The following RASAL1 variants were observed in gnomAD, a reference collection of about 807,000 sequenced individuals.
RASAL1 encodes rasGAP-activating-like protein 1.
RASAL1 carries 72 observed loss-of-function variants against 96.6 expected under a neutral mutation model. The observed-to-expected ratio is 0.75, with a 90% CI of 0.62 to 0.91. The LOEUF (loss-of-function observed/expected upper bound fraction) is 0.91. RASAL1 is among the 40% of genes least tolerant of loss of function. The pLI is 0.00. For missense variants in RASAL1, 1,016 were observed against 1,072.5 expected (o/e 0.95, Z 0.74); for synonymous variants, 405 against 430.4 (o/e 0.94, Z 0.73).
At chr12:113,113,981 G>A (rs1411637995) in intron 12 of RASAL1, among the ~76,000 whole-genome samples, 1 of 152,112 alleles carries the variant, frequency 6.6e-6, no homozygotes, top group Admixed American at 6.5e-5. Context: ...CACTAATGTC[G>A]AGGAGCCCCA....
At chr12:113,101,825 G>A in intron 19 of RASAL1, 64 bp downstream of exon 19, 2 of 1,570,360 alleles carry the variant, frequency 1.3e-6, no homozygotes, top group Non-Finnish European at 1.7e-6. Flanking sequence ...ACACAGCAAG[G>A]CCACGGTGGG....
At chr12:113,121,672 C>G (rs764299039) in intron 4 of RASAL1, 34 bp from the exon 5 acceptor site, 14 of 1,612,882 alleles carry the variant, frequency 8.7e-6, no homozygotes. Context: ...TTATGAAGCG[C>G]CTACCATGTA....
At chr12:113,128,230 A>G in intron 2 of RASAL1, 52 bp from the exon 3 acceptor site, 1 of 1,026,776 alleles carries the variant, frequency 9.7e-7, no homozygotes. Flanking sequence ...CAGGAGGCAG[A>G]CACCTGGAGA....
In RASAL1 at chr12:113,107,221, G is replaced by A. The variant is rs1950679941; in HGVS notation, c.1533C>T (p.Asn511=). The change falls in exon 15 of 21, where the codon AAC becomes AAT. Residue 511 remains asparagine, a synonymous_variant. Coordinates refer to ENST00000548055, the MANE Select transcript of RASAL1 (RefSeq NM_001301202.2). ...TGCCTTGGCCCAGCTGCTGGCCCAGGTTTCCAATGCTCTGCACAGCCTGGA... is the reference window on the plus strand; with the variant it reads ...TGCCTTGGCCCAGCTGCTGGCCCAGATTTCCAATGCTCTGCACAGCCTGGA... ...LLAKAVQSIG[N]LGQQLGQGKE... is the part of the protein sequence containing the mutation. The A allele has an allele frequency of 6.2e-7, 1 of 1,610,750 alleles. No individual in the cohort carries two copies. Among genetic ancestry groups the A allele is most frequent in the East Asian group, 2.2e-5 (1 of 44,852 alleles).
intron 15 of RASAL1, 51 bp downstream of exon 15, chr12:113,107,046 G>A (rs374439753): frequency 5.8e-6 from 9 of 1,554,240 alleles, no homozygotes; most frequent in Admixed American, 1.8e-5. Flanking sequence ...TCCCTGAGTG[G>A]TGTCTCAACT....
chr12:113,112,308 C>T (rs745331431), intron 12 of RASAL1, 30 bp from the exon 13 acceptor site: 4 of 1,249,664 alleles, frequency 3.2e-6, no homozygotes, highest in Non-Finnish European at 2.0e-6. Context: ...AGCTCAGCCT[C>T]GGGGCACAAC....
At chr12:113,134,704 G>A (rs1951846197) in intron 1 of RASAL1, among the ~76,000 whole-genome samples, 1 of 152,194 alleles carries the variant, frequency 6.6e-6, no homozygotes, top group Non-Finnish European at 1.5e-5. Context: ...TCAGCCCTGG[G>A]GGAAGCATAG....
At chr12:113,120,158 C>T (rs953307330) in intron 5 of RASAL1, among the ~76,000 whole-genome samples, 1 of 152,218 alleles carries the variant, frequency 6.6e-6, no homozygotes, top group African/African-American at 2.4e-5. Context: ...CACCCCACCC[C>T]CACACCAGGG....
chr12:113,106,246 C>G (rs981906873), intron 15 of RASAL1, among the ~76,000 whole-genome samples: 1 of 152,148 alleles, frequency 6.6e-6, no homozygotes, highest in African/African-American at 2.4e-5. Flanking sequence ...CCCACCCCAG[C>G]ACCATAGGGA....
chr12:113,099,988 G>A lies in RASAL1; in HGVS notation c.2359C>T (p.His787Tyr), dbSNP rs764961206. The change falls in exon 21 of 21, where the codon CAC (histidine) becomes TAC (tyrosine). Residue 787 changes from histidine (H) to tyrosine (Y), a missense_variant. Transcript: ENST00000548055. Reference sequence around the variant, plus strand: ...CGCTCCTGCTGCTGGAACTCCTCGTGGGCACGATCCAGGTCTGCGAGCACC... The same window carrying A: ...CGCTCCTGCTGCTGGAACTCCTCGTAGGCACGATCCAGGTCTGCGAGCACC... ...LEVLADLDRAHEEFQQQERGK... is the reference protein window; with the variant it reads ...LEVLADLDRAYEEFQQQERGK... 6.2e-7 allele frequency: 1 copy of A among 1,613,756 alleles called. No homozygotes were observed. The highest frequency in any genetic ancestry group is 1.3e-5 in the African/African-American group (1 of 74,936).
chr12:113,136,003 C>T (rs1951902924), upstream of RASAL1: 1 of 154,202 alleles, frequency 6.5e-6, no homozygotes, highest in Non-Finnish European at 1.4e-5. Flanking sequence ...GTCTGTGCCC[C>T]CGCCTGTCCC....
At chr12:113,128,678 C>T (rs1951586377) in intron 2 of RASAL1, among the ~76,000 whole-genome samples, 1 of 152,052 alleles carries the variant, frequency 6.6e-6, no homozygotes, top group Non-Finnish European at 1.5e-5. Flanking sequence ...CAGAGTTGCT[C>T]ACAGATACAC....
chr12:113,105,991 C>G (rs928847921), intron 15 of RASAL1, 105 bp from the exon 16 acceptor site: 6 of 1,205,528 alleles, frequency 5.0e-6, no homozygotes, highest in Middle Eastern at 2.8e-4. Flanking sequence ...GGGCATGGTT[C>G]TCTGCTCCCC....
intron 4 of RASAL1, among the ~76,000 whole-genome samples, chr12:113,126,694 A>T (rs867855736): frequency 0.015 from 2,189 of 143,312 alleles, 37 homozygotes; most frequent in African/African-American, 0.054. Flanking sequence ...TCTCTCACAC[A>T]CACACACACA....
At position 113,128,125 on chromosome 12, in the gene RASAL1, A is replaced by G; in HGVS notation, c.176T>C (p.Val59Ala). Residue 59 changes from valine (V) to alanine (A), a missense_variant, in exon 3 of 21, where the codon GTG (valine) becomes GCG (alanine). Physicochemically the swap from Val to Ala is moderately conservative, Grantham distance 64. Transcript: ENST00000548055. Reference sequence around the variant, plus strand: ...CTGGTGGAAATCCAGAGGCAGGTGCACCGTGTACTCCTCCCCCCAGAAGGG... The same window carrying G: ...CTGGTGGAAATCCAGAGGCAGGTGCGCCGTGTACTCCTCCCCCCAGAAGGG... Reference protein sequence around the residue: ...LGPFWGEEYTVHLPLDFHQLA... With the variant: ...LGPFWGEEYTAHLPLDFHQLA... 6.2e-7 allele frequency: 1 copy of G among 1,613,922 alleles called. No individual in the cohort carries two copies. Among genetic ancestry groups the G allele is most frequent in the Non-Finnish European group, 8.5e-7 (1 of 1,179,962 alleles).
At chr12:113,107,344 C>G in intron 14 of RASAL1, 103 bp from the exon 15 acceptor site, 2 of 1,337,310 alleles carry the variant, frequency 1.5e-6, no homozygotes, top group Non-Finnish European at 2.0e-6. Context: ...CTCATATTGC[C>G]GGGCACAGTG....
At position 113,112,198 on chromosome 12, in the gene RASAL1, G is replaced by A; in HGVS notation, c.1262C>T (p.Pro421Leu). ...SLGLLTGYLG[P>L]IVDAIVGSVG... ...GGAGCCCACGATGGCGTCCACGATG[G>A]GCCCCAGGTAGCCCGTCAGCAGCCC... Residue 421 changes from proline (P) to leucine (L), a missense_variant, in exon 13 of 21, where the codon CCC becomes CTC. Transcript: ENST00000548055. The A allele has an allele frequency of 7.9e-7, 1 of 1,261,416 alleles. No individual in the cohort carries two copies. The highest frequency in any genetic ancestry group is 1.0e-6 in the Non-Finnish European group (1 of 994,956). 78.1% of individuals were successfully genotyped at this position (1,261,416 alleles called of 1,614,324 possible). A position where few individuals can be genotyped will look rare whatever the true frequency, so the allele number is the denominator to read the frequency against.
Position 113,112,286 on chromosome 12 carries a change from G to A in RASAL1, c.1182-8C>T. 8.0e-7 allele frequency: 1 copy of A among 1,254,778 alleles called. No individual in the cohort carries two copies. Among genetic ancestry groups the A allele is most frequent in the Non-Finnish European group, 1.0e-6 (1 of 991,356 alleles). 77.7% of individuals were successfully genotyped at this position (1,254,778 alleles called of 1,614,324 possible). On this transcript the variant is annotated splice_polypyrimidine_tract_variant and splice_region_variant and intron_variant, in intron 12 of 20. Transcript: ENST00000548055. ...CCTTTGAAGGAGATCCTCCTGGAGG[G>A]GCCGGCGGAGCAGCTCAGCCTCGGG...
At chr12:113,126,066 C>G (rs1951469408) in intron 4 of RASAL1, among the ~76,000 whole-genome samples, 1 of 152,176 alleles carries the variant, frequency 6.6e-6, no homozygotes, top group Non-Finnish European at 1.5e-5. Flanking sequence ...AGATGGATCA[C>G]TCGAAGTCAA....
Sources: allele counts gnomAD v4.1 joint callset (sites outside exome capture counted in the v4.1 genomes callset), GRCh38; gene constraint gnomAD v4.1.1; transcripts MANE v1.5; gene names NCBI Gene and HGNC (gene_info 2026-07-23, HGNC 2026-07-21).